The following FRAS1 variants were observed in gnomAD, a reference collection of about 807,000 sequenced individuals.
The protein encoded by FRAS1 is extracellular matrix organizing protein FRAS1.
Under a neutral mutation model 435.2 loss-of-function variants are expected in FRAS1, and 290 were observed. The ratio of observed to expected loss-of-function variants is 0.67; its 90% CI spans 0.61 to 0.73. FRAS1 has a LOEUF of 0.73. FRAS1 is among the 30% of genes least tolerant of loss of function. The pLI is 0.00. For missense variants in FRAS1, 4,860 were observed against 5,001.5 expected (o/e 0.97, Z 0.85); for synonymous variants, 1,800 against 1,851.0 (o/e 0.97, Z 0.71).
intron 2 of FRAS1, among the ~76,000 whole-genome samples, chr4:78,079,865 G>A (rs1419428632): frequency 6.6e-6 from 1 of 152,108 alleles, no homozygotes; most frequent in African/African-American, 2.4e-5. Context: ...AGTGGAGGAG[G>A]GCAGTTCTAA....
intron 9 of FRAS1, among the ~76,000 whole-genome samples, chr4:78,276,040 C>A (rs1727004893): frequency 6.6e-6 from 1 of 152,180 alleles, no homozygotes; most frequent in Non-Finnish European, 1.5e-5. Context: ...CTCTAAACTT[C>A]CCTTCTCGCT....
chr4:78,400,520 A>G (rs547827066), intron 29 of FRAS1, among the ~76,000 whole-genome samples: 1 of 152,350 alleles, frequency 6.6e-6, no homozygotes, highest in South Asian at 2.1e-4. Flanking sequence ...ATGATAAACT[A>G]AAAGAAAAAG....
At chr4:78,377,768 G>T (rs960548457) in intron 26 of FRAS1, among the ~76,000 whole-genome samples, 8 of 152,092 alleles carry the variant, frequency 5.3e-5, no homozygotes, top group Non-Finnish European at 1.2e-4. Flanking sequence ...TAGGACTGTG[G>T]TTCTCAAAGC....
At chr4:78,520,564 C>G (rs936702605) in intron 67 of FRAS1, among the ~76,000 whole-genome samples, 1 of 152,176 alleles carries the variant, frequency 6.6e-6, no homozygotes, top group African/African-American at 2.4e-5. Flanking sequence ...GTAGTATTTA[C>G]ATATAACCTA....
chr4:78,190,600 TC>T (rs1344098990), intron 2 of FRAS1, among the ~76,000 whole-genome samples: 23 of 141,216 alleles, frequency 1.6e-4, no homozygotes, highest in African/African-American at 5.7e-4. Context: ...CCATCCCCCA[TC>T]CCCCCACCAC....
chr4:78,139,273 C>A (rs1720057932), intron 2 of FRAS1, among the ~76,000 whole-genome samples: 1 of 152,062 alleles, frequency 6.6e-6, no homozygotes, highest in Non-Finnish European at 1.5e-5. Flanking sequence ...AGCAAGGATA[C>A]AGAGGAATAA....
At chr4:78,319,311 T>G (rs1729404832) in intron 18 of FRAS1, 1 of 490,968 alleles carries the variant, frequency 2.0e-6, no homozygotes, top group Admixed American at 2.3e-5. Flanking sequence ...AGAATTTCAT[T>G]TATTATTCCT....
At chr4:78,202,620 A>G (rs10001934) in intron 2 of FRAS1, among the ~76,000 whole-genome samples, 150,027 of 152,320 alleles carry the variant, frequency 0.98, 73,920 homozygotes, top group Middle Eastern at 1. Context: ...GAACCCAGCA[A>G]GCAGAGGTTG....
At chr4:78,512,128 T>G (rs964354865) in intron 64 of FRAS1, among the ~76,000 whole-genome samples, 3 of 152,198 alleles carry the variant, frequency 2.0e-5, no homozygotes, top group Admixed American at 2.0e-4. Flanking sequence ...TTAGGAGACA[T>G]TGGACTTAAT....
chr4:78,231,389 C>T (rs781041005), intron 2 of FRAS1, among the ~76,000 whole-genome samples: 10 of 151,862 alleles, frequency 6.6e-5, no homozygotes, highest in Admixed American at 5.9e-4. Flanking sequence ...AACTCACACA[C>T]AGAATTATCT....
intron 2 of FRAS1, among the ~76,000 whole-genome samples, chr4:78,168,512 T>C (rs1365509105): frequency 1.3e-5 from 2 of 152,060 alleles, no homozygotes; most frequent in Non-Finnish European, 2.9e-5. Flanking sequence ...ACTTCAAATT[T>C]TTTTTTTCCT....
chr4:78,387,040 A>G (rs1418421883), intron 28 of FRAS1, among the ~76,000 whole-genome samples: 2 of 152,156 alleles, frequency 1.3e-5, no homozygotes, highest in Non-Finnish European at 2.9e-5. Flanking sequence ...AAGTCCAAAA[A>G]TTTCATACCT....
chr4:78,363,939 C>T lies in FRAS1; in HGVS notation c.2607C>T (p.Gly869=), dbSNP rs556525948. The T allele has an allele frequency of 1.9e-5, 30 of 1,613,394 alleles. No individual in the cohort carries two copies. In the East Asian group the frequency reaches 6.7e-4, roughly 36 times the overall value. The change falls in exon 22 of 74, where the codon GGC becomes GGT. Residue 869 remains glycine (G), a synonymous_variant. Coordinates refer to ENST00000512123, the MANE Select transcript of FRAS1 (RefSeq NM_025074.7). The part of the protein sequence containing the change: ...KCHSSCRTCQ[G]RGPFSCSSCD... ...ACTCCTCCTGCAGAACCTGCCAGGG[C>T]AGAGGACCTTTCTCCTGCTCCTCAT...
At chr4:78,264,517 G>A (rs770956568) in intron 6 of FRAS1, among the ~76,000 whole-genome samples, 2 of 152,112 alleles carry the variant, frequency 1.3e-5, no homozygotes, top group Non-Finnish European at 2.9e-5. Flanking sequence ...ATCAAAGGAA[G>A]GATACCTTCA....
chr4:78,137,987 G>A (rs1016852979), intron 2 of FRAS1, among the ~76,000 whole-genome samples: 5 of 152,216 alleles, frequency 3.3e-5, no homozygotes, highest in Non-Finnish European at 5.9e-5. Context: ...GTGGGCAATA[G>A]GTTCATGTTA....
intron 2 of FRAS1, among the ~76,000 whole-genome samples, chr4:78,219,503 A>G (rs1723951221): frequency 1.3e-5 from 2 of 152,190 alleles, no homozygotes; most frequent in Non-Finnish European, 2.9e-5. Context: ...AGTTTCTAGG[A>G]CAGATAGTAT....
intron 69 of FRAS1, among the ~76,000 whole-genome samples, 182 bp from the exon 70 acceptor site, chr4:78,526,359 C>T (rs188493889): frequency 5.3e-5 from 8 of 152,324 alleles, no homozygotes; most frequent in Admixed American, 3.9e-4. Flanking sequence ...CTGGATAATA[C>T]TCTGAAGGTT....
intron 19 of FRAS1, among the ~76,000 whole-genome samples, chr4:78,336,423 C>T (rs1178611824): frequency 2.0e-5 from 3 of 151,910 alleles, no homozygotes; most frequent in Non-Finnish European, 4.4e-5. Flanking sequence ...CTGTCCATGC[C>T]TCTTTCCGCT....
intron 26 of FRAS1, among the ~76,000 whole-genome samples, chr4:78,376,701 G>A (rs1731777882): frequency 6.6e-6 from 1 of 152,006 alleles, no homozygotes; most frequent in Non-Finnish European, 1.5e-5. Context: ...TTAAAAATAT[G>A]TAACATCGGC....
Sources: allele counts gnomAD v4.1 joint callset (sites outside exome capture counted in the v4.1 genomes callset), GRCh38; gene constraint gnomAD v4.1.1; transcripts MANE v1.5; gene names NCBI Gene and HGNC (gene_info 2026-07-23, HGNC 2026-07-21).